Variants in CHST15 observed in about 807,000 individuals in gnomAD.
CHST15 encodes the protein carbohydrate sulfotransferase 15.
In CHST15, 30 loss-of-function variants were observed where a neutral mutation model predicts 53.6. The ratio of observed to expected loss-of-function variants is 0.56; its 90% CI spans 0.42 to 0.76. The LOEUF (loss-of-function observed/expected upper bound fraction) is 0.76, where lower values mean the gene tolerates loss of function less well. Ranked by LOEUF, CHST15 falls within the 30% of genes least tolerant of loss-of-function variation. The pLI, the probability that CHST15 is intolerant of heterozygous loss-of-function variation, is 0.00. For missense variants in CHST15, 627 were observed against 740.5 expected (o/e 0.85, Z 1.78); for synonymous variants, 296 against 289.8 (o/e 1.02, Z -0.22).
intron 1 of CHST15, among the ~76,000 whole-genome samples, chr10:124,064,071 A>C (rs1948677551): frequency 6.6e-6 from 1 of 152,228 alleles, no homozygotes; most frequent in African/African-American, 2.4e-5. Context: ...CTCTGAATTA[A>C]TCACAGAAGA....
rs148665029 is a variant in CHST15 at position 124,038,592 on chromosome 10, C to T, written c.1113G>A (p.Pro371=). 4.3e-4 allele frequency: 699 copies of T among 1,614,220 alleles called. 2 individuals are homozygous for T. The African/African-American group carries it at 7.6e-3, about 18-fold the overall frequency. Residue 371 remains proline (P), a synonymous_variant, in exon 5 of 8, where the codon CCG becomes CCA. Transcript: ENST00000435907. ...CGTGGATGAAGTCCTGCGTCAGAAACGGTGGCTCGCCATCCGTGCTGTTGT... is the reference window on the plus strand; with the variant it reads ...CGTGGATGAAGTCCTGCGTCAGAAATGGTGGCTCGCCATCCGTGCTGTTGT... The part of the protein sequence containing the change: ...FYDNSTDGEP[P]FLTQDFIHAF...
chr10:124,056,757 C>T (rs762142171), intron 1 of CHST15, among the ~76,000 whole-genome samples: 17 of 152,132 alleles, frequency 1.1e-4, no homozygotes, highest in African/African-American at 2.9e-4. Flanking sequence ...GGACACGCTG[C>T]GGCCCAGGCC....
intron 1 of CHST15, among the ~76,000 whole-genome samples, chr10:124,064,957 G>T (rs931164456): frequency 3.3e-5 from 5 of 152,146 alleles, no homozygotes; most frequent in African/African-American, 1.2e-4. Flanking sequence ...GAAGGCAAAA[G>T]AGTCTCTTCT....
Position 124,036,979 on chromosome 10 carries a change from G to C in CHST15, c.1190+1536C>G, listed in dbSNP as rs1947520756. Among the ~76,000 whole-genome samples the C allele has an allele frequency of 1.3e-5, 2 of 152,152 alleles. No homozygotes were observed. Among genetic ancestry groups the C allele is most frequent in the Admixed American group, 6.5e-5 (1 of 15,278 alleles). On this transcript the variant is annotated intron_variant, in intron 5 of 7. Coordinates refer to ENST00000435907, the MANE Select transcript of CHST15 (RefSeq NM_001270764.2). This position sits in a 1 kb window ranked among gnomAD's most constrained non-coding sequence, Gnocchi z 5.1. The stretch of plus-strand genomic sequence containing the variant: ...CTGGAAGCTGGAGTCTGAAACCCAG[G>C]TGTGGGGCAGAGGTGGTTCCTCTGG...
rs1049141646 is a variant in CHST15 at position 124,011,890 on chromosome 10, C to G, written c.1495+443G>C. The G allele has an allele frequency of 8.2e-6, 8 of 978,240 alleles. No individual in the cohort carries two copies. In the Admixed American group the frequency reaches 4.3e-4, roughly 53 times the overall value. 60.6% of individuals were successfully genotyped at this position (978,240 alleles called of 1,614,324 possible). ...CCCCAAGTCCTCTGCTCCAGCCCCC[C>G]GGTGACATCCTGTTGGTCCTACAAA... On this transcript the variant is annotated intron_variant, in intron 7 of 7. Coordinates refer to ENST00000435907, the MANE Select transcript of CHST15 (RefSeq NM_001270764.2).
At chr10:124,011,605 C>G (rs553833469) in intron 7 of CHST15, 1 of 985,448 alleles carries the variant, frequency 1.0e-6, no homozygotes, top group Non-Finnish European at 1.2e-6. Context: ...TCCCTCGGTG[C>G]CCCGTCCACA....
intron 1 of CHST15, among the ~76,000 whole-genome samples, chr10:124,090,097 G>A (rs1281252145): frequency 1.3e-5 from 2 of 152,192 alleles, no homozygotes; most frequent in African/African-American, 2.4e-5. Flanking sequence ...TGTGGCTCCT[G>A]TGCCCTGCTC....
chr10:124,042,857 C>T (rs1374903792), intron 3 of CHST15, among the ~76,000 whole-genome samples: 2 of 152,044 alleles, frequency 1.3e-5, no homozygotes, highest in African/African-American at 2.4e-5. Flanking sequence ...GAGAGAGGAC[C>T]GAGGGCTGCC....
rs1033419256 is a variant in CHST15, at chr10:124,019,544, C to T, written c.1347+1712G>A. 1.3e-5 allele frequency: 2 copies of T among 158,278 alleles called. No homozygotes were observed. The highest frequency in any genetic ancestry group is 4.8e-5 in the African/African-American group (2 of 41,574). The allele number at this position is 158,278 out of a possible 1,614,324, so 9.8% of individuals were successfully genotyped here. Reference sequence around the variant, plus strand: ...TGGCCCTCTCCCCGACTGCTCTCTTCATCAAACCCAAGCACAAACACGCAC... The same window carrying T: ...TGGCCCTCTCCCCGACTGCTCTCTTTATCAAACCCAAGCACAAACACGCAC... On this transcript the variant is annotated intron_variant, in intron 6 of 7. Transcript: ENST00000435907. This position sits in a 1 kb window ranked among gnomAD's most constrained non-coding sequence, Gnocchi z 4.6.
intron 2 of CHST15, 66 bp downstream of exon 2, chr10:124,045,601 A>T: frequency 7.0e-7 from 1 of 1,430,190 alleles, no homozygotes; most frequent in Non-Finnish European, 9.5e-7. Flanking sequence ...AAAGATGGTG[A>T]TAGAAAGAAA....
intron 1 of CHST15, among the ~76,000 whole-genome samples, chr10:124,053,779 G>A (rs918788038): frequency 6.6e-6 from 1 of 152,108 alleles, no homozygotes; most frequent in Non-Finnish European, 1.5e-5. Context: ...TTAGCTGGGT[G>A]TGGTGGTGCA....
At chr10:124,092,777 G>C (rs1292401154) in intron 1 of CHST15, among the ~76,000 whole-genome samples, 1 of 152,236 alleles carries the variant, frequency 6.6e-6, no homozygotes, top group Non-Finnish European at 1.5e-5. Flanking sequence ...GCGCAAGGCT[G>C]GGGGGAATCC....
intron 5 of CHST15, 104 bp downstream of exon 5, chr10:124,038,411 A>T (rs1451570808): frequency 1.5e-6 from 2 of 1,376,780 alleles, no homozygotes; most frequent in African/African-American, 1.4e-5. Context: ...CGACCTGTTT[A>T]ATTTTTTCTA....
intron 1 of CHST15, among the ~76,000 whole-genome samples, chr10:124,059,718 C>T (rs574027262): frequency 4.6e-5 from 7 of 152,260 alleles, no homozygotes; most frequent in Middle Eastern, 3.4e-3. Context: ...ACAGGCGGCG[C>T]GACTGAAAGG....
At chr10:124,084,112 T>C (rs1028217455) in intron 1 of CHST15, among the ~76,000 whole-genome samples, 1 of 152,232 alleles carries the variant, frequency 6.6e-6, no homozygotes, top group Non-Finnish European at 1.5e-5. Context: ...GGGTCTCTGC[T>C]GCCCCAAGGA....
intron 1 of CHST15, among the ~76,000 whole-genome samples, chr10:124,083,150 T>C (rs1200185930): frequency 6.6e-6 from 1 of 152,216 alleles, no homozygotes; most frequent in Non-Finnish European, 1.5e-5. Context: ...AAGTCTGCTT[T>C]ATGATTTTTT....
At chr10:124,016,487 G>C (rs1228215943) in intron 6 of CHST15, among the ~76,000 whole-genome samples, 1 of 152,094 alleles carries the variant, frequency 6.6e-6, no homozygotes, top group Non-Finnish European at 1.5e-5. Flanking sequence ...CCTGCCCCTG[G>C]GGATCTCCTC....
At position 124,052,176 on chromosome 10, in the gene CHST15, A is replaced by G. The variant is rs150420137; in HGVS notation, c.-512-5452T>C. ...AACTGCTGACATTCCTCTCTAGGCT[A>G]TATATATGGAAATATATTTTTTCAA... On this transcript the variant is annotated intron_variant, in intron 1 of 7. Coordinates refer to ENST00000435907, the MANE Select transcript of CHST15 (RefSeq NM_001270764.2). 7.4e-3 allele frequency among the ~76,000 whole-genome samples: 1,133 copies of G among 152,330 alleles called. 17 individuals are homozygous for G. Among genetic ancestry groups the G allele is most frequent in the African/African-American group, 0.025 (1,057 of 41,574 alleles).
chr10:124,021,187 A>C, intron 6 of CHST15, 69 bp downstream of exon 6: 3 of 1,560,758 alleles, frequency 1.9e-6, no homozygotes, highest in Non-Finnish European at 2.6e-6. Context: ...TGCCGCTTGC[A>C]TAATAACAAC....
Sources: allele counts gnomAD v4.1 joint callset (sites outside exome capture counted in the v4.1 genomes callset), GRCh38; gene constraint gnomAD v4.1.1; non-coding constraint Gnocchi (gnomAD v3.1); transcripts MANE v1.5; gene names NCBI Gene and HGNC (gene_info 2026-07-23, HGNC 2026-07-21).